Variants in TTN observed in about 807,000 individuals in gnomAD.
The protein encoded by TTN is connectin.
Under a neutral mutation model 3,223.0 loss-of-function variants are expected in TTN, and 1,525 were observed. That is an observed-to-expected ratio of 0.47 (90% CI 0.45 to 0.49). The LOEUF is 0.49. Ranked by LOEUF, TTN falls within the 20% of genes least tolerant of loss-of-function variation. TTN has a pLI of 0.00. For missense variants in TTN, 40,786 were observed against 43,424.0 expected (o/e 0.94, Z 5.40); for synonymous variants, 14,094 against 15,161.0 (o/e 0.93, Z 5.17).
Position 178,605,421 on chromosome 2 carries a change from A to G in TTN, c.53874T>C (p.Asp17958=), listed in dbSNP as rs2154195564. Residue 17958 remains aspartate, a synonymous_variant, in exon 279 of 363, where the codon GAT becomes GAC. Transcript: ENST00000589042. The part of the protein sequence containing the change: ...PSLPLNVVIQ[D]DEVPPTIKLR... ...TATATTCAGATTCCGCACCTTCATC[A>G]TCTTGTATGACTACATTAAGAGGTA... The G allele has an allele frequency of 1.3e-6, 2 of 1,588,074 alleles. No homozygotes were observed. The highest frequency in any genetic ancestry group is 1.4e-5 in the African/African-American group (1 of 73,896).
Position 178,646,556 on chromosome 2 carries a change from C to G in TTN, c.40226G>C (p.Arg13409Pro), listed in dbSNP as rs745458487. ...AGGTTTAATATACTTTTCAATTTCA[C>G]GTTCTTTAAAGAATGTTGACAAAGG... ...GRKETPPVEEREIEKYIKPEE... is the reference protein window; with the variant it reads ...GRKETPPVEEPEIEKYIKPEE... Residue 13409 changes from arginine (R) to proline (P), a missense_variant, in exon 216 of 363, where the codon CGT (arginine) becomes CCT (proline). Coordinates refer to ENST00000589042, the MANE Select transcript of TTN (RefSeq NM_001267550.2). The G allele has an allele frequency of 6.5e-7, 1 of 1,541,486 alleles. No homozygotes were observed. Among genetic ancestry groups the G allele is most frequent in the Admixed American group, 2.0e-5 (1 of 50,814 alleles).
intron 45 of TTN, among the ~76,000 whole-genome samples, chr2:178,757,158 C>A (rs2087326023): frequency 6.7e-6 from 1 of 149,826 alleles, no homozygotes; most frequent in Non-Finnish European, 1.5e-5. Flanking sequence ...GCTTTAAGTA[C>A]AGTAAGTAAT....
Position 178,785,954 on chromosome 2 carries a change from G to C in TTN, c.2264C>G (p.Ser755Ter). 6.2e-7 allele frequency: 1 copy of C among 1,614,146 alleles called. No individual in the cohort carries two copies. The highest frequency in any genetic ancestry group is 8.5e-7 in the Non-Finnish European group (1 of 1,180,004). The change falls in exon 14 of 363, where the codon TCA becomes TGA. Residue 755 changes from serine to a stop codon, truncating the protein, a stop_gained. Transcript: ENST00000589042. LOFTEE classifies it high-confidence loss of function. ...TGCTTTAGGGACAACGTGGGGTTCTGAGGCTGGACGTTGGGGAGGCTCAGC... is the reference window on the plus strand; with the variant it reads ...TGCTTTAGGGACAACGTGGGGTTCTCAGGCTGGACGTTGGGGAGGCTCAGC... ...KVAEPPQRPASEPHVVPKAVK... is the reference protein window; with the variant it reads ...KVAEPPQRPA
rs1687008231 is a variant in TTN, at chr2:178,527,620, T to G, written c.107506A>C (p.Ser35836Arg). 1 of 1,613,996 alleles carries G rather than the reference T, an allele frequency of 6.2e-7. No homozygotes were observed. Reference protein sequence around the residue: ...SKQEASFSSFSSSSASSMTEM... With the variant: ...SKQEASFSSFRSSSASSMTEM... ...GTCATGCTGCTAGCACTGCTGCTGC[T>G]GAAACTGCTGAAGGAGGCCTCCTGC... is the stretch of plus-strand genomic sequence containing the variant. The change falls in exon 362 of 363, where the codon AGC becomes CGC. Residue 35836 changes from serine (S) to arginine (R), a missense_variant. By Grantham distance (110) the Ser-to-Arg change is moderately radical. Transcript: ENST00000589042.
chr2:178,558,299 C>T, intron 327 of TTN, 42 bp downstream of exon 327: 1 of 1,591,612 alleles, frequency 6.3e-7, no homozygotes, highest in Non-Finnish European at 8.5e-7. Flanking sequence ...TAAATCAATG[C>T]AAATAATTTC....
chr2:178,597,047 C>T (rs1226667486), intron 294 of TTN, among the ~76,000 whole-genome samples: 1 of 152,066 alleles, frequency 6.6e-6, no homozygotes, highest in Non-Finnish European at 1.5e-5. Context: ...ATGGTCAGCA[C>T]TGGCAAATTG....
In TTN at chr2:178,575,903, G is replaced by T. The variant is rs1473979874; in HGVS notation, c.70229C>A (p.Thr23410Asn). The change falls in exon 326 of 363, where the codon ACC (threonine) becomes AAC (asparagine). Residue 23410 changes from threonine (T) to asparagine (N), a missense_variant. Coordinates refer to ENST00000589042, the MANE Select transcript of TTN (RefSeq NM_001267550.2). The surrounding 1 kb of genome is among the most constrained non-coding windows in gnomAD (Gnocchi z 4.0). Reference protein sequence around the residue: ...LIIPECNRYDTGKFVMTIENP... With the variant: ...LIIPECNRYDNGKFVMTIENP... Reference sequence around the variant, plus strand: ...TTCAATGGTCATGACAAATTTACCGGTATCATATCTGTTACATTCTGGGAT... The same window carrying T: ...TTCAATGGTCATGACAAATTTACCGTTATCATATCTGTTACATTCTGGGAT... 2 of 1,613,550 alleles carry T rather than the reference G, an allele frequency of 1.2e-6. No individual in the cohort carries two copies. Among genetic ancestry groups the T allele is most frequent in the Non-Finnish European group, 1.7e-6 (2 of 1,179,620 alleles).
In TTN at chr2:178,578,662, C is replaced by T; in HGVS notation, c.68278G>A (p.Val22760Ile). The change falls in exon 321 of 363, where the codon GTA (valine) becomes ATA (isoleucine). Residue 22760 changes from valine to isoleucine, a missense_variant. Val to Ile is a conservative substitution (Grantham distance 29). Transcript: ENST00000589042. ...TTGGGGTCAGTCCAAGTTAGAGATA[C>T]TGAATCGTGTCTGACATCCACAATA... is the stretch of plus-strand genomic sequence containing the variant. The part of the protein sequence containing the change: ...PNIVDVRHDS[V>I]SLTWTDPKKT... The T allele has an allele frequency of 6.2e-7, 1 of 1,612,132 alleles. No homozygotes were observed. The highest frequency in any genetic ancestry group is 8.5e-7 in the Non-Finnish European group (1 of 1,179,104).
chr2:178,776,561 T>C lies in TTN; in HGVS notation c.5303A>G (p.Tyr1768Cys), dbSNP rs2092250294. 1 of 1,613,024 alleles carries C rather than the reference T, an allele frequency of 6.2e-7. No homozygotes were observed. The highest frequency in any genetic ancestry group is 1.7e-5 in the Admixed American group (1 of 60,002). The change falls in exon 28 of 363, where the codon TAT (tyrosine) becomes TGT (cysteine). Residue 1768 changes from tyrosine (Y) to cysteine (C), a missense_variant. Physicochemically the swap from Tyr to Cys is radical, Grantham distance 194. Coordinates refer to ENST00000589042, the MANE Select transcript of TTN (RefSeq NM_001267550.2). ...AGTAATGATACCACTGTCTCTAGAA[T>C]ATGCAACGCCATAATCAAGGCTGCA... ...GYCSLDYGVA[Y>C]SRDSGIITCR...
Position 178,575,354 on chromosome 2 carries a change from C to T in TTN, c.70778G>A (p.Arg23593Lys). 1.2e-6 allele frequency: 2 copies of T among 1,613,566 alleles called. No homozygotes were observed. The highest frequency in any genetic ancestry group is 1.7e-6 in the Non-Finnish European group (2 of 1,179,670). ...TTVKGLECVV[R>K]NLTEGEEYTF... ...ATATTCCTCTCCTTCAGTTAGATTCCTCACAACACATTCTAACCCTTTCAC... is the reference window on the plus strand; with the variant it reads ...ATATTCCTCTCCTTCAGTTAGATTCTTCACAACACATTCTAACCCTTTCAC... The change falls in exon 326 of 363, where the codon AGG (arginine) becomes AAG (lysine). Residue 23593 changes from arginine to lysine, a missense_variant. Arg to Lys is a conservative substitution (Grantham distance 26, BLOSUM62 2). Coordinates refer to ENST00000589042, the MANE Select transcript of TTN (RefSeq NM_001267550.2). This position sits in a 1 kb window ranked among gnomAD's most constrained non-coding sequence, Gnocchi z 4.0.
At position 178,735,944 on chromosome 2, in the gene TTN, T is replaced by G; in HGVS notation, c.14502A>C (p.Ala4834=). Residue 4834 remains alanine (A), a synonymous_variant, in exon 50 of 363, where the codon GCA becomes GCC. Coordinates refer to ENST00000589042, the MANE Select transcript of TTN (RefSeq NM_001267550.2). ...IETIWQKDGA[A]LSPSPNWRIS... ...TCCTCCAGTTAGGTGAAGGTGAGAG[T>G]GCAGCACCATCTTTCTGCCAAATGG... 6.2e-7 allele frequency: 1 copy of G among 1,613,800 alleles called. No individual in the cohort carries two copies. The highest frequency in any genetic ancestry group is 8.5e-7 in the Non-Finnish European group (1 of 1,179,790).
rs1259485774 is a variant in TTN at position 178,649,591 on chromosome 2, G to A, written c.39936C>T (p.Val13312=). 6 of 1,549,860 alleles carry A rather than the reference G, an allele frequency of 3.9e-6. No individual in the cohort carries two copies. Among genetic ancestry groups the A allele is most frequent in the South Asian group, 1.2e-5 (1 of 83,996 alleles). The change falls in exon 212 of 363, where the codon GTC becomes GTT. Residue 13312 remains valine (V), a synonymous_variant. Transcript: ENST00000589042. ...GTGTTTCTGGCTTCTTAACAGTTGG[G>A]ACCTTCTTCACTGGAACAACTTTCT... The part of the protein sequence containing the change: ...MPKKVVPVKK[V]PTVKKPETPA...
rs755404483 is a variant in TTN, at chr2:178,615,463, T to C, written c.48482A>G (p.Asn16161Ser). The change falls in exon 259 of 363, where the codon AAT becomes AGT. Residue 16161 changes from asparagine to serine, a missense_variant. Transcript: ENST00000589042. Reference sequence around the variant, plus strand: ...GGCTGTTCGATCTCTCCATTTAACATTCTCTGGTGGGTCAGGTACCGCTAC... The same window carrying C: ...GGCTGTTCGATCTCTCCATTTAACACTCTCTGGTGGGTCAGGTACCGCTAC... ...TPATVPDPPE[N>S]VKWRDRTANS... is the part of the protein sequence containing the mutation. The C allele has an allele frequency of 6.2e-7, 1 of 1,612,182 alleles. No homozygotes were observed. The highest frequency in any genetic ancestry group is 1.7e-5 in the Admixed American group (1 of 59,914).
rs1472322542 is a variant in TTN, at chr2:178,550,138, A to G, written c.91700T>C (p.Ile30567Thr). Residue 30567 changes from isoleucine (I) to threonine (T), a missense_variant, in exon 337 of 363, where the codon ATC (isoleucine) becomes ACC (threonine). Ile to Thr is a moderately conservative substitution (Grantham distance 89). Transcript: ENST00000589042. ...TATTTCCATATTCATCCTCTTTTCG[A>G]TTTCCACTCCATCTTTGAACCAAGT... ...RVTWFKDGVE[I>T]EKRMNMEITD... 1 of 1,613,516 alleles carries G rather than the reference A, an allele frequency of 6.2e-7. No homozygotes were observed. The highest frequency in any genetic ancestry group is 8.5e-7 in the Non-Finnish European group (1 of 1,179,716).
At position 178,547,569 on chromosome 2, in the gene TTN, T is replaced by C; in HGVS notation, c.94057A>G (p.Thr31353Ala). The change falls in exon 339 of 363, where the codon ACA becomes GCA. Residue 31353 changes from threonine to alanine, a missense_variant. Transcript: ENST00000589042. ...GAATTGACAAGCTGCCAAGCTGTTGTACCCGATTCACGCTTTTCAACTATG... is the reference window on the plus strand; with the variant it reads ...GAATTGACAAGCTGCCAAGCTGTTGCACCCGATTCACGCTTTTCAACTATG... ...NYIVEKRESGTTAWQLVNSSV... is the reference protein window; with the variant it reads ...NYIVEKRESGATAWQLVNSSV... The C allele has an allele frequency of 6.2e-7, 1 of 1,613,868 alleles. No homozygotes were observed. The highest frequency in any genetic ancestry group is 1.3e-5 in the African/African-American group (1 of 75,046).
Position 178,582,222 on chromosome 2 carries a change from T to C in TTN, c.66161-14A>G, listed in dbSNP as rs1451672938. The C allele has an allele frequency of 1.3e-6, 2 of 1,585,578 alleles. No individual in the cohort carries two copies. Among genetic ancestry groups the C allele is most frequent in the Admixed American group, 2.0e-5 (1 of 50,672 alleles). On this transcript the variant is annotated splice_polypyrimidine_tract_variant and intron_variant, in intron 314 of 362. Coordinates refer to ENST00000589042, the MANE Select transcript of TTN (RefSeq NM_001267550.2). ...GTCCTGGTGGGTCTGCAGAAATTGA[T>C]TGAAAAGTTAATTTCCCAGGCTAAA... is the stretch of plus-strand genomic sequence containing the variant.
At chr2:178,794,660 T>C (rs551209324) in intron 7 of TTN, 109 bp from the exon 8 acceptor site, 1 of 1,329,898 alleles carries the variant, frequency 7.5e-7, no homozygotes, top group African/African-American at 1.4e-5. Context: ...CACTCATACA[T>C]AAGCATTTAT....
At position 178,794,433 on chromosome 2, in the gene TTN, G is replaced by C. The variant is rs368121196; in HGVS notation, c.1364C>G (p.Thr455Arg). 1.2e-5 allele frequency: 19 copies of C among 1,614,028 alleles called. No individual in the cohort carries two copies. Among genetic ancestry groups the C allele is most frequent in the Non-Finnish European group, 1.4e-5 (17 of 1,179,998 alleles). The change falls in exon 8 of 363, where the codon ACG becomes AGG. Residue 455 changes from threonine to arginine, a missense_variant. Transcript: ENST00000589042. The stretch of plus-strand genomic sequence containing the variant: ...AGCAGGTTGGATGTGCACAGCAGTC[G>C]TGGTTGTCCTCTGAGCAGTCTGCTC... ...AVEQTAQRTT[T>R]TAVHIQPAQE...
Position 178,726,248 on chromosome 2 carries a change from T to C in TTN, c.20276-202A>G, listed in dbSNP as rs1228403208. 35 of 501,240 alleles carry C rather than the reference T, an allele frequency of 7.0e-5. 1 individual carries two copies. In the East Asian group the frequency reaches 9.1e-4, roughly 13 times the overall value. 31.0% of individuals were successfully genotyped at this position (501,240 alleles called of 1,614,324 possible). A position where few individuals can be genotyped will look rare whatever the true frequency, so the allele number is the denominator to read the frequency against. On this transcript the variant is annotated intron_variant, in intron 69 of 362. Coordinates refer to ENST00000589042, the MANE Select transcript of TTN (RefSeq NM_001267550.2). ...CAGCTAGATGGGCAGAGAACCCAGA[T>C]AGATCCTAGATGTCGTTACTGAACA...
Sources: allele counts gnomAD v4.1 joint callset (sites outside exome capture counted in the v4.1 genomes callset), GRCh38; gene constraint gnomAD v4.1.1; non-coding constraint Gnocchi (gnomAD v3.1); transcripts MANE v1.5; gene names NCBI Gene and HGNC (gene_info 2026-07-23, HGNC 2026-07-21).